The following ENAH variants were observed in gnomAD, a reference collection of about 807,000 sequenced individuals.
ENAH encodes the protein protein enabled homolog.
In ENAH, 23 loss-of-function variants were observed where a neutral mutation model predicts 78.7. That is an observed-to-expected ratio of 0.29 (90% confidence interval 0.21 to 0.41). The LOEUF (loss-of-function observed/expected upper bound fraction) is 0.41, where lower values mean the gene tolerates loss of function less well. ENAH is among the 10% of genes least tolerant of loss of function. The pLI, the probability that ENAH is intolerant of heterozygous loss-of-function variation, is 1.00. For missense variants in ENAH, 544 were observed against 691.0 expected (o/e 0.79, Z 2.39); for synonymous variants, 226 against 241.0 (o/e 0.94, Z 0.58).
chr1:225,587,461 C>T (rs945626226), intron 1 of ENAH, among the ~76,000 whole-genome samples: 7 of 152,018 alleles, frequency 4.6e-5, no homozygotes, highest in Non-Finnish European at 7.4e-5. Flanking sequence ...TAATATCATG[C>T]GTAAAATCTT....
chr1:225,598,863 AT>A (rs975217447), intron 1 of ENAH, among the ~76,000 whole-genome samples: 2 of 152,138 alleles, frequency 1.3e-5, no homozygotes, highest in African/African-American at 4.8e-5. Flanking sequence ...AAAAAAAAAA[AT>A]CAACGGGTGC....
rs1177043706 is a variant in ENAH, at chr1:225,567,234, G to A, written c.171+15C>T. The A allele has an allele frequency of 5.6e-6, 9 of 1,607,736 alleles. No homozygotes were observed. The highest frequency in any genetic ancestry group is 7.6e-6 in the Non-Finnish European group (9 of 1,177,938). ...TACTAAATCATTTTTAACAACAATT[G>A]TAGTAAAGCCTTACCTGATGGTCCT... On this transcript the variant is annotated intron_variant, in intron 2 of 13. Transcript: ENST00000366843.
chr1:225,530,098 T>C (rs2096530670), intron 4 of ENAH, among the ~76,000 whole-genome samples: 1 of 152,232 alleles, frequency 6.6e-6, no homozygotes, highest in Non-Finnish European at 1.5e-5. Context: ...GGAAGAATGC[T>C]GCCCAGTAGA....
rs2096203630 is a variant in ENAH at position 225,486,948 on chromosome 1, G to C, written c.*10827C>G. The C allele has an allele frequency of 6.6e-6, 1 of 152,670 alleles. No individual in the cohort carries two copies. Among genetic ancestry groups the C allele is most frequent in the South Asian group, 2.1e-4 (1 of 4,830 alleles). 9.5% of individuals were successfully genotyped at this position (152,670 alleles called of 1,614,324 possible). A position where few individuals can be genotyped will look rare whatever the true frequency, so the allele number is the denominator to read the frequency against. ...AGGAAAGAAAGCTGAGGGAGAGATT[G>C]ATCCGATTTCAACGATGTGGCCACT... On this transcript the variant is annotated 3_prime_UTR_variant, in exon 14 of 14. Coordinates refer to ENST00000366843, the MANE Select transcript of ENAH (RefSeq NM_018212.6).
intron 3 of ENAH, among the ~76,000 whole-genome samples, chr1:225,541,676 T>C (rs2096589793): frequency 1.3e-5 from 2 of 152,254 alleles, no homozygotes; most frequent in Non-Finnish European, 2.9e-5. Flanking sequence ...TTTTCCATTT[T>C]GAAAAGTATT....
At chr1:225,551,772 C>T (rs1218935973) in intron 3 of ENAH, among the ~76,000 whole-genome samples, 2 of 152,026 alleles carry the variant, frequency 1.3e-5, no homozygotes, top group Non-Finnish European at 2.9e-5. Flanking sequence ...AATGTTTTAA[C>T]AAGTGGTAAA....
intron 13 of ENAH, 47 bp from the exon 14 acceptor site, chr1:225,497,859 AAG>A (rs1472021156): frequency 1.3e-6 from 2 of 1,530,892 alleles, no homozygotes; most frequent in Non-Finnish European, 1.8e-6. Context: ...ATGATAAAGT[AAG>A]ATAAATGAGT....
intron 13 of ENAH, 121 bp downstream of exon 13, chr1:225,498,226 A>G (rs1629896): frequency 0.067 from 50,043 of 748,978 alleles, 2,001 homozygotes; most frequent in Non-Finnish European, 0.081. Flanking sequence ...CTAAAAGGGC[A>G]GGACTATGGA....
intron 1 of ENAH, among the ~76,000 whole-genome samples, chr1:225,634,860 G>T (rs1659781094): frequency 1.3e-5 from 2 of 152,192 alleles, no homozygotes; most frequent in Non-Finnish European, 2.9e-5. Context: ...ATCGGGAAGT[G>T]TCTCCTCCAA....
Position 225,519,356 on chromosome 1 carries a change from C to T in ENAH, c.644G>A (p.Arg215His), listed in dbSNP as rs149587286. ...ERQERLERQE[R>H]LERQERLDRE... is the part of the protein sequence containing the mutation. ...ATCCAGGCGTTCCTGCCGCTCCAGGCGTTCCTGCCGCTCCAGGCGTTCCTG... is the reference window on the plus strand; with the variant it reads ...ATCCAGGCGTTCCTGCCGCTCCAGGTGTTCCTGCCGCTCCAGGCGTTCCTG... Residue 215 changes from arginine (R) to histidine (H), a missense_variant, in exon 5 of 14, where the codon CGC (arginine) becomes CAC (histidine). Arg to His is a conservative substitution (Grantham distance 29). Coordinates refer to ENST00000366843, the MANE Select transcript of ENAH (RefSeq NM_018212.6). The T allele has an allele frequency of 1.0e-4, 164 of 1,609,528 alleles. No homozygotes were observed. The African/African-American group carries it at 1.7e-3, about 17-fold the overall frequency.
At chr1:225,549,836 C>CCT (rs2096633116) in intron 3 of ENAH, among the ~76,000 whole-genome samples, 1 of 152,172 alleles carries the variant, frequency 6.6e-6, no homozygotes, top group South Asian at 2.1e-4. Context: ...CTGCTCCTCT[C>CCT]CTCTCTCTAC....
At chr1:225,646,411 C>T (rs1661971008) in intron 1 of ENAH, among the ~76,000 whole-genome samples, 1 of 152,118 alleles carries the variant, frequency 6.6e-6, no homozygotes, top group Admixed American at 6.5e-5. Context: ...ACCCACCCTA[C>T]CATGTGAGGA....
chr1:225,494,957 G>A lies in ENAH; in HGVS notation c.*2818C>T, dbSNP rs2096242402. ...AAAGGAAGTACACCTAAAAGCATGA[G>A]AATTCAACATTCATTAGTGTTTCAT... On this transcript the variant is annotated 3_prime_UTR_variant, in exon 14 of 14. Transcript: ENST00000366843. The A allele has an allele frequency of 6.6e-6, 1 of 152,604 alleles. No individual in the cohort carries two copies. Among genetic ancestry groups the A allele is most frequent in the Non-Finnish European group, 1.5e-5 (1 of 68,026 alleles). 9.5% of individuals were successfully genotyped at this position (152,604 alleles called of 1,614,324 possible).
At chr1:225,515,068 C>T in intron 6 of ENAH, 168 bp from the exon 7 acceptor site, 1 of 667,560 alleles carries the variant, frequency 1.5e-6, no homozygotes, top group Non-Finnish European at 2.6e-6. Context: ...TTGAAAGATA[C>T]TGAAATGTAA....
intron 1 of ENAH, among the ~76,000 whole-genome samples, chr1:225,623,422 G>A (rs1181236372): frequency 6.6e-6 from 1 of 151,910 alleles, no homozygotes; most frequent in East Asian, 1.9e-4. Context: ...AATTTCACTT[G>A]TATATTCAAA....
At chr1:225,624,993 A>G (rs1221022232) in intron 1 of ENAH, among the ~76,000 whole-genome samples, 1 of 152,232 alleles carries the variant, frequency 6.6e-6, no homozygotes, top group Non-Finnish European at 1.5e-5. Flanking sequence ...GATAGAGCTC[A>G]TGGTGGAGAA....
At chr1:225,620,746 T>G (rs1325103520) in intron 1 of ENAH, among the ~76,000 whole-genome samples, 2 of 152,110 alleles carry the variant, frequency 1.3e-5, no homozygotes, top group African/African-American at 4.8e-5. Flanking sequence ...GGCTCACACC[T>G]GTAATCCCAG....
chr1:225,524,363 T>G (rs1367716622), intron 4 of ENAH, among the ~76,000 whole-genome samples: 1 of 152,258 alleles, frequency 6.6e-6, no homozygotes, highest in Non-Finnish European at 1.5e-5. Context: ...AAGAATGATT[T>G]CAATTTTAAC....
rs574459596 is a variant in ENAH at position 225,625,784 on chromosome 1, G to A, written c.5+26902C>T. Among the ~76,000 whole-genome samples, 10 of 152,248 alleles carry A rather than the reference G, an allele frequency of 6.6e-5. No homozygotes were observed. In the East Asian group the frequency reaches 1.9e-3, roughly 29 times the overall value. ...ACCCACCTCGGCCTCCCAAAGTGCT[G>A]GGATTACAGGCATGAGCCACCACAC... On this transcript the variant is annotated intron_variant, in intron 1 of 13. Transcript: ENST00000366843.
Sources: allele counts gnomAD v4.1 joint callset (sites outside exome capture counted in the v4.1 genomes callset), GRCh38; gene constraint gnomAD v4.1.1; transcripts MANE v1.5; gene names NCBI Gene and HGNC (gene_info 2026-07-23, HGNC 2026-07-21).